The following EPC2 variants were observed in gnomAD, a reference collection of about 807,000 sequenced individuals.
EPC2 encodes enhancer of polycomb homolog 2.
Under a neutral mutation model 92.1 loss-of-function variants are expected in EPC2, and 14 were observed. The ratio of observed to expected loss-of-function variants is 0.15; its 90% CI spans 0.10 to 0.24. The LOEUF (loss-of-function observed/expected upper bound fraction) is 0.24. Among genes scored for constraint, EPC2 ranks in the 10% least tolerant of loss-of-function variants. The pLI is 1.00. For missense variants in EPC2, 755 were observed against 971.5 expected (o/e 0.78, Z 2.96); for synonymous variants, 340 against 334.7 (o/e 1.02, Z -0.17).
At chr2:148,702,724 A>C (rs1431808333) in intron 2 of EPC2, among the ~76,000 whole-genome samples, 1 of 152,250 alleles carries the variant, frequency 6.6e-6, no homozygotes, top group Non-Finnish European at 1.5e-5. Flanking sequence ...AATGAAAGCA[A>C]TGAGATGAAG....
intron 1 of EPC2, among the ~76,000 whole-genome samples, chr2:148,654,869 A>G (rs750591840): frequency 2.0e-5 from 3 of 152,140 alleles, no homozygotes; most frequent in Non-Finnish European, 4.4e-5. Context: ...ATTAATAAAT[A>G]TTGTTTTTGT....
intron 3 of EPC2, among the ~76,000 whole-genome samples, chr2:148,747,052 T>G (rs1159110414): frequency 6.6e-6 from 1 of 152,146 alleles, no homozygotes; most frequent in Non-Finnish European, 1.5e-5. Context: ...TAAAACACTT[T>G]CCAAGAAATG....
intron 7 of EPC2, among the ~76,000 whole-genome samples, chr2:148,768,364 A>G (rs933672212): frequency 3.9e-5 from 6 of 152,220 alleles, no homozygotes; most frequent in African/African-American, 9.6e-5. Flanking sequence ...TTTTTGTGAC[A>G]TTTATAAAGC....
chr2:148,769,898 A>G (rs1324857177), intron 8 of EPC2, among the ~76,000 whole-genome samples: 1 of 152,078 alleles, frequency 6.6e-6, no homozygotes, highest in Non-Finnish European at 1.5e-5. Flanking sequence ...AGAGTGTGTA[A>G]ATTTAGGAGA....
chr2:148,655,374 T>C (rs578040265), intron 1 of EPC2, among the ~76,000 whole-genome samples: 2 of 152,268 alleles, frequency 1.3e-5, no homozygotes, highest in East Asian at 3.9e-4. Flanking sequence ...ATGCATAAAA[T>C]AAGGTCAGAT....
intron 4 of EPC2, among the ~76,000 whole-genome samples, chr2:148,760,318 C>A (rs548951139): frequency 2.6e-5 from 4 of 152,232 alleles, no homozygotes; most frequent in African/African-American, 9.6e-5. Flanking sequence ...AGGGTAGAAC[C>A]TCCAAGAGGA....
In EPC2 at chr2:148,761,070, A is replaced by G. The variant is rs528092727; in HGVS notation, c.667-712A>G. On this transcript the variant is annotated intron_variant, in intron 4 of 13. Transcript: ENST00000258484. ...ATAATTTTATATGCAAATAGATGCT[A>G]CTAATTACAACTGAGCCTTTTCTAG... 3.3e-5 allele frequency among the ~76,000 whole-genome samples: 5 copies of G among 152,364 alleles called. No individual in the cohort carries two copies. The East Asian group carries it at 9.6e-4, about 29-fold the overall frequency.
intron 10 of EPC2, among the ~76,000 whole-genome samples, chr2:148,776,854 C>CTTTTTTT (rs1558838031): frequency 1.1e-5 from 1 of 90,052 alleles, no homozygotes; most frequent in Non-Finnish European, 2.1e-5. Context: ...CTGTCTCTCT[C>CTTTTTTT]TCTTTTTTTT....
At chr2:148,732,061 A>G (rs940315005) in intron 2 of EPC2, among the ~76,000 whole-genome samples, 4 of 152,256 alleles carry the variant, frequency 2.6e-5, no homozygotes, top group African/African-American at 9.6e-5. Flanking sequence ...TTGATAAAAA[A>G]GAGTGAATGT....
At chr2:148,662,857 T>C (rs1182003194) in intron 1 of EPC2, among the ~76,000 whole-genome samples, 1 of 152,058 alleles carries the variant, frequency 6.6e-6, no homozygotes. Flanking sequence ...GTTTTATTAT[T>C]TGCTTTCCTG....
At chr2:148,767,598 A>T (rs1200674616) in intron 7 of EPC2, among the ~76,000 whole-genome samples, 1 of 152,178 alleles carries the variant, frequency 6.6e-6, no homozygotes, top group African/African-American at 2.4e-5. Context: ...AGATCATTAA[A>T]GTAATCATAT....
chr2:148,723,196 T>C (rs1682419292), intron 2 of EPC2, among the ~76,000 whole-genome samples: 1 of 152,184 alleles, frequency 6.6e-6, no homozygotes, highest in African/African-American at 2.4e-5. Flanking sequence ...AAAAAGCAGG[T>C]TATACTCTGA....
At chr2:148,751,909 T>G (rs911874485) in intron 3 of EPC2, among the ~76,000 whole-genome samples, 1 of 152,174 alleles carries the variant, frequency 6.6e-6, no homozygotes, top group Non-Finnish European at 1.5e-5. Flanking sequence ...ACTGAAAAAT[T>G]AGTTAACACT....
At chr2:148,681,876 C>G (rs1480458515) in intron 1 of EPC2, among the ~76,000 whole-genome samples, 1 of 152,144 alleles carries the variant, frequency 6.6e-6, no homozygotes, top group African/African-American at 2.4e-5. Flanking sequence ...CCCCTACCCC[C>G]TACCCGACAA....
intron 1 of EPC2, among the ~76,000 whole-genome samples, chr2:148,670,564 C>T (rs891889430): frequency 3.3e-5 from 5 of 151,988 alleles, no homozygotes; most frequent in African/African-American, 4.8e-5. Context: ...TTGTATTCCC[C>T]GTTGGGTTCT....
In EPC2 at chr2:148,707,930, T is replaced by G. The variant is rs563086764; in HGVS notation, c.313+17557T>G. ...AAAATTGACACCCTAACATCACAAT[T>G]AAAAGAACTAGAGAAGCAAGAGCAA... On this transcript the variant is annotated intron_variant, in intron 2 of 13. Coordinates refer to ENST00000258484, the MANE Select transcript of EPC2 (RefSeq NM_015630.4). Among the ~76,000 whole-genome samples, 10 of 152,048 alleles carry G rather than the reference T, an allele frequency of 6.6e-5. No homozygotes were observed. In the South Asian group the frequency reaches 1.9e-3, roughly 28 times the overall value.
chr2:148,644,881 G>T lies in EPC2; in HGVS notation c.-137G>T. 1.4e-6 allele frequency: 1 copy of T among 728,518 alleles called. No homozygotes were observed. Among genetic ancestry groups the T allele is most frequent in the South Asian group, 1.8e-5 (1 of 55,854 alleles). 45.1% of individuals were successfully genotyped at this position (728,518 alleles called of 1,614,324 possible). On this transcript the variant is annotated 5_prime_UTR_variant, in exon 1 of 14. Coordinates refer to ENST00000258484, the MANE Select transcript of EPC2 (RefSeq NM_015630.4). ...GGGGTGGGCGCCCATGCTGTGGCCGGGGGCAGTGAGGAGGAGGAGGAGCGG... is the reference window on the plus strand; with the variant it reads ...GGGGTGGGCGCCCATGCTGTGGCCGTGGGCAGTGAGGAGGAGGAGGAGCGG...
chr2:148,667,438 A>G (rs1404074610), intron 1 of EPC2, among the ~76,000 whole-genome samples: 1 of 152,216 alleles, frequency 6.6e-6, no homozygotes, highest in Non-Finnish European at 1.5e-5. Context: ...TAACTAGTAT[A>G]TAGAATTACA....
At chr2:148,709,879 A>ATTAATGTT (rs1215884615) in intron 2 of EPC2, among the ~76,000 whole-genome samples, 2 of 152,244 alleles carry the variant, frequency 1.3e-5, no homozygotes, top group Non-Finnish European at 2.9e-5. Context: ...TGTTAGACCT[A>ATTAATGTT]AAACCATAAA....
Sources: gnomAD v4.1 joint callset for allele counts (sites outside exome capture counted in the v4.1 genomes callset) on GRCh38, gnomAD v4.1.1 for gene constraint, MANE v1.5 for transcripts, NCBI Gene and HGNC (gene_info 2026-07-23, HGNC 2026-07-21) for gene names.